PSD3: variants seen among roughly 807,000 people sequenced by gnomAD.
The protein encoded by PSD3 is pleckstrin and Sec7 domain containing 3, also known as PH and SEC7 domain-containing protein 3.
In PSD3, 49 loss-of-function variants were observed where a neutral mutation model predicts 105.5. The ratio of observed to expected loss-of-function variants is 0.46; its 90% CI spans 0.37 to 0.59. The LOEUF (loss-of-function observed/expected upper bound fraction) is 0.59. Among genes scored for constraint, PSD3 ranks in the 20% least tolerant of loss-of-function variants. The probability of loss-of-function intolerance (pLI) is 0.00; values close to 1 mark genes in which losing one functional copy is unlikely to be tolerated. For synonymous variants in PSD3, 557 were observed against 457.8 expected (o/e 1.22, Z -2.77); for missense variants, 1,561 against 1,263.8 (o/e 1.24, Z -3.57).
chr8:18,906,017 T>C (rs1044692318), intron 2 of PSD3, among the ~76,000 whole-genome samples: 18 of 152,172 alleles, frequency 1.2e-4, no homozygotes, highest in African/African-American at 3.1e-4. Context: ...TTAGAAGAGA[T>C]TATTTTATAG....
At chr8:18,827,615 A>C (rs763370083) in intron 4 of PSD3, among the ~76,000 whole-genome samples, 29 of 152,198 alleles carry the variant, frequency 1.9e-4, no homozygotes, top group Admixed American at 7.2e-4. Flanking sequence ...AGTAAGTGCT[A>C]TGAGAGTGTT....
intron 2 of PSD3, among the ~76,000 whole-genome samples, chr8:18,884,193 C>G (rs1486823967): frequency 1.3e-5 from 2 of 148,282 alleles, no homozygotes; most frequent in Admixed American, 6.9e-5. Flanking sequence ...AAAGAGCAAG[C>G]CTTGCAGAGT....
At chr8:18,748,645 G>A (rs1805220243) in intron 9 of PSD3, among the ~76,000 whole-genome samples, 2 of 146,084 alleles carry the variant, frequency 1.4e-5, no homozygotes, top group Admixed American at 6.9e-5. Context: ...GGGCGACAGA[G>A]CGAGACTCCG....
At chr8:18,879,023 AAAAC>A (rs1249345940) in intron 2 of PSD3, among the ~76,000 whole-genome samples, 16 of 147,026 alleles carry the variant, frequency 1.1e-4, no homozygotes, top group East Asian at 2.0e-4. Flanking sequence ...CCCTCTGGAA[AAAAC>A]AAACAAACAA....
At chr8:19,066,498 C>T (rs1173686552) in intron 1 of PSD3, among the ~76,000 whole-genome samples, 1 of 152,184 alleles carries the variant, frequency 6.6e-6, no homozygotes, top group Non-Finnish European at 1.5e-5. Flanking sequence ...ACACTTTCTT[C>T]CAGGGTGCTT....
At chr8:18,970,226 G>A (rs1234659224) in intron 1 of PSD3, among the ~76,000 whole-genome samples, 1 of 150,024 alleles carries the variant, frequency 6.7e-6, no homozygotes, top group Non-Finnish European at 1.5e-5. Context: ...TCAGGAGGCT[G>A]AGGCAGGAGA....
intron 4 of PSD3, among the ~76,000 whole-genome samples, chr8:18,807,936 G>A (rs1482840652): frequency 6.6e-6 from 1 of 152,030 alleles, no homozygotes; most frequent in Non-Finnish European, 1.5e-5. Flanking sequence ...AGACCCTCCT[G>A]TCTATGATGT....
intron 9 of PSD3, among the ~76,000 whole-genome samples, chr8:18,761,328 G>GC (rs2129442832): frequency 6.6e-6 from 1 of 152,260 alleles, no homozygotes; most frequent in African/African-American, 2.4e-5. Flanking sequence ...AATCTCACTC[G>GC]CCTCTAAAAA....
intron 8 of PSD3, among the ~76,000 whole-genome samples, chr8:18,793,790 G>C (rs1156449240): frequency 1.3e-5 from 2 of 152,188 alleles, no homozygotes; most frequent in Non-Finnish European, 2.9e-5. Flanking sequence ...AGGACGATGA[G>C]AGGATAGCCT....
At chr8:18,624,179 T>C (rs1405702659) in intron 11 of PSD3, among the ~76,000 whole-genome samples, 1 of 152,186 alleles carries the variant, frequency 6.6e-6, no homozygotes, top group Admixed American at 6.5e-5. Context: ...AACTTTATTA[T>C]TGCCAACTGC....
At chr8:18,706,839 G>C (rs901330424) in intron 9 of PSD3, among the ~76,000 whole-genome samples, 4 of 152,080 alleles carry the variant, frequency 2.6e-5, no homozygotes, top group African/African-American at 9.7e-5. Flanking sequence ...CATATTATAT[G>C]GTTTCTTAGT....
intron 10 of PSD3, among the ~76,000 whole-genome samples, chr8:18,644,613 A>G (rs1807891374): frequency 6.6e-6 from 1 of 152,170 alleles, no homozygotes; most frequent in African/African-American, 2.4e-5. Context: ...GATGGTCCTT[A>G]AATTTCTTGT....
rs576826000 is a variant in PSD3, at chr8:18,762,875, C to CA, written c.2172+2573dup. The CA allele has an allele frequency of 4.8e-4, 585 of 1,215,656 alleles. 4 individuals carry two copies. Among genetic ancestry groups the CA allele is most frequent in the South Asian group, 3.2e-3 (233 of 72,742 alleles). The allele number at this position is 1,215,656 out of a possible 1,614,324, so 75.3% of individuals were successfully genotyped here. A position where few individuals can be genotyped will look rare whatever the true frequency, so the allele number is the denominator to read the frequency against. On this transcript the variant is annotated intron_variant, in intron 9 of 15. Transcript: ENST00000327040. ...TCTCTTCAGAAAACAACTACAACAACAAAAAAACAGAATTTGGCTTATACT... is the reference window on the plus strand; with the variant it reads ...TCTCTTCAGAAAACAACTACAACAACAAAAAAAACAGAATTTGGCTTATACT...
intron 12 of PSD3, among the ~76,000 whole-genome samples, chr8:18,580,510 ACT>A (rs1406725616): frequency 6.6e-6 from 1 of 152,092 alleles, no homozygotes; most frequent in African/African-American, 2.4e-5. Context: ...TGATCGCACC[ACT>A]GTGTTCCAGC....
chr8:18,895,157 G>A (rs1157311307), intron 2 of PSD3, among the ~76,000 whole-genome samples: 2 of 152,176 alleles, frequency 1.3e-5, no homozygotes, highest in Admixed American at 1.3e-4. Flanking sequence ...TCTGAACTGT[G>A]TGCCCCCTGC....
intron 1 of PSD3, among the ~76,000 whole-genome samples, chr8:19,002,872 T>C (rs1399592662): frequency 1.3e-5 from 2 of 152,038 alleles, no homozygotes; most frequent in African/African-American, 2.4e-5. Flanking sequence ...AGCACACCTG[T>C]AGGCAATCAC....
chr8:18,614,526 T>C (rs1364652751), intron 11 of PSD3, among the ~76,000 whole-genome samples: 1 of 151,996 alleles, frequency 6.6e-6, no homozygotes, highest in Non-Finnish European at 1.5e-5. Flanking sequence ...AATATGGGAA[T>C]AAGGTATCAG....
intron 9 of PSD3, among the ~76,000 whole-genome samples, chr8:18,746,735 T>A (rs1805060818): frequency 6.6e-6 from 1 of 152,262 alleles, no homozygotes; most frequent in South Asian, 2.1e-4. Context: ...CCTTTTCCAT[T>A]CCCTTTAGTG....
chr8:18,784,754 G>C (rs1006289433), intron 8 of PSD3, among the ~76,000 whole-genome samples: 1 of 152,160 alleles, frequency 6.6e-6, no homozygotes, highest in Non-Finnish European at 1.5e-5. Context: ...AAGTGTTGGG[G>C]CTTCTGTCCC....
Sources: gnomAD v4.1 joint callset for allele counts (sites outside exome capture counted in the v4.1 genomes callset) on GRCh38, gnomAD v4.1.1 for gene constraint, MANE v1.5 for transcripts, NCBI Gene and HGNC (gene_info 2026-07-23, HGNC 2026-07-21) for gene names.